PRKG1: variants seen among roughly 807,000 people sequenced by gnomAD.
PRKG1 encodes protein kinase cGMP-dependent 1, also known as cGMP-dependent protein kinase 1.
PRKG1 carries 35 observed loss-of-function variants against 88.1 expected under a neutral mutation model. That is an observed-to-expected ratio of 0.40 (90% confidence interval 0.30 to 0.53). The LOEUF is 0.53. Among genes scored for constraint, PRKG1 ranks in the 20% least tolerant of loss-of-function variants. PRKG1 has a pLI of 0.59. For synonymous variants in PRKG1, 303 were observed against 292.5 expected (o/e 1.04, Z -0.37); for missense variants, 540 against 839.8 (o/e 0.64, Z 4.41).
intron 1 of PRKG1, among the ~76,000 whole-genome samples, chr10:51,090,121 T>C (rs939279443): frequency 6.6e-6 from 1 of 152,192 alleles, no homozygotes; most frequent in Non-Finnish European, 1.5e-5. Context: ...GATTATAACA[T>C]TTCCCTGATT....
intron 3 of PRKG1, among the ~76,000 whole-genome samples, chr10:51,765,077 T>A (rs935479302): frequency 3.3e-5 from 5 of 152,216 alleles, no homozygotes; most frequent in Non-Finnish European, 7.3e-5. Context: ...TCACATGGAC[T>A]AAGACAGTGC....
chr10:51,325,590 T>C (rs544213694), intron 2 of PRKG1, among the ~76,000 whole-genome samples: 12 of 152,352 alleles, frequency 7.9e-5, no homozygotes, highest in Admixed American at 5.9e-4. Flanking sequence ...TGTTGTTTCA[T>C]TTGCTATGCA....
At chr10:51,160,313 A>C (rs916143183) in intron 2 of PRKG1, among the ~76,000 whole-genome samples, 3 of 152,116 alleles carry the variant, frequency 2.0e-5, no homozygotes, top group Non-Finnish European at 4.4e-5. Context: ...AACCCAATTT[A>C]TTGATACTTT....
intron 3 of PRKG1, among the ~76,000 whole-genome samples, chr10:51,517,876 G>A (rs1841630210): frequency 6.6e-6 from 1 of 152,038 alleles, no homozygotes; most frequent in South Asian, 2.1e-4. Context: ...CTCAGGCCTG[G>A]GTTTCCATTT....
chr10:51,421,360 G>A (rs995313598), intron 2 of PRKG1, among the ~76,000 whole-genome samples: 4 of 152,138 alleles, frequency 2.6e-5, no homozygotes, highest in African/African-American at 9.6e-5. Flanking sequence ...ATTGTTTTTT[G>A]TAGAGATGTT....
chr10:51,520,127 T>C (rs1196905232), intron 3 of PRKG1, among the ~76,000 whole-genome samples: 1 of 151,970 alleles, frequency 6.6e-6, no homozygotes, highest in Non-Finnish European at 1.5e-5. Flanking sequence ...CCTAAAGAAC[T>C]CCAATATCTT....
chr10:52,057,222 T>C (rs534838347), intron 6 of PRKG1, among the ~76,000 whole-genome samples: 1 of 152,294 alleles, frequency 6.6e-6, no homozygotes, highest in Non-Finnish European at 1.5e-5. Context: ...TGTAAAACAA[T>C]TTTTATTCTT....
intron 3 of PRKG1, among the ~76,000 whole-genome samples, chr10:51,553,861 A>T (rs1256946745): frequency 2.0e-4 from 20 of 102,092 alleles, no homozygotes; most frequent in South Asian, 1.5e-3. Context: ...ACGTGTATAT[A>T]ATATATGTAT....
chr10:51,883,835 C>T lies in PRKG1; in HGVS notation c.699-23672C>T, dbSNP rs191768543. ...TGTGTGTGGCTGCCTCCACCTTTAT[C>T]GTCTTCCTATTATTATCCCATGTGT... On this transcript the variant is annotated intron_variant, in intron 4 of 17. Transcript: ENST00000373980. Among the ~76,000 whole-genome samples the T allele has an allele frequency of 3.2e-3, 491 of 152,120 alleles. 3 individuals carry two copies. The highest frequency in any genetic ancestry group is 3.7e-3 in the Non-Finnish European group (252 of 67,994).
intron 2 of PRKG1, among the ~76,000 whole-genome samples, chr10:51,259,877 T>C (rs1008030149): frequency 1.3e-5 from 2 of 152,216 alleles, no homozygotes; most frequent in Non-Finnish European, 2.9e-5. Context: ...AAACATGTTA[T>C]AGGTTTTAGG....
intron 2 of PRKG1, among the ~76,000 whole-genome samples, chr10:51,418,193 A>G (rs1279760072): frequency 6.6e-6 from 1 of 152,188 alleles, no homozygotes; most frequent in Admixed American, 6.6e-5. Flanking sequence ...TCTCATAAGA[A>G]TTTCAGAGCT....
chr10:51,419,239 G>A (rs1196552906), intron 2 of PRKG1, among the ~76,000 whole-genome samples: 2 of 152,056 alleles, frequency 1.3e-5, no homozygotes, highest in Non-Finnish European at 2.9e-5. Context: ...AATAGTCACA[G>A]GTATACAGCA....
At chr10:51,442,073 G>GA (rs201767879) in intron 2 of PRKG1, among the ~76,000 whole-genome samples, 188 of 146,202 alleles carry the variant, frequency 1.3e-3, no homozygotes, top group East Asian at 8.0e-3. Flanking sequence ...TTTTTACCAG[G>GA]AAAAAAAAAA....
At chr10:51,566,775 A>G (rs1400700109) in intron 3 of PRKG1, among the ~76,000 whole-genome samples, 1 of 152,040 alleles carries the variant, frequency 6.6e-6, no homozygotes, top group African/African-American at 2.4e-5. Context: ...GTAAACAAAG[A>G]TATGGAAATG....
chr10:51,596,448 A>G (rs1838451170), intron 3 of PRKG1, among the ~76,000 whole-genome samples: 1 of 152,218 alleles, frequency 6.6e-6, no homozygotes, highest in East Asian at 1.9e-4. Context: ...AGAAAATTCC[A>G]GAGTCATAAT....
intron 3 of PRKG1, among the ~76,000 whole-genome samples, chr10:51,558,832 G>T (rs7896516): frequency 0.069 from 10,479 of 152,076 alleles, 1,173 homozygotes; most frequent in African/African-American, 0.24. Flanking sequence ...CTTCAGCATG[G>T]TATTTTAGAC....
intron 3 of PRKG1, among the ~76,000 whole-genome samples, chr10:51,669,757 A>T (rs1405287773): frequency 2.6e-5 from 4 of 152,068 alleles, no homozygotes; most frequent in African/African-American, 7.2e-5. Context: ...TACCTTTTTT[A>T]AAAAAATAAT....
At chr10:51,694,023 T>C (rs1316634817) in intron 3 of PRKG1, among the ~76,000 whole-genome samples, 2 of 152,180 alleles carry the variant, frequency 1.3e-5, no homozygotes, top group East Asian at 1.9e-4. Flanking sequence ...ACTTACAATA[T>C]ATTAATGATG....
intron 4 of PRKG1, among the ~76,000 whole-genome samples, chr10:51,885,318 A>T (rs553699903): frequency 3.3e-5 from 5 of 152,192 alleles, no homozygotes; most frequent in African/African-American, 9.7e-5. Flanking sequence ...GGGGATTGTG[A>T]CTTGCCCACT....
Sources: gnomAD v4.1 joint callset for allele counts (sites outside exome capture counted in the v4.1 genomes callset) on GRCh38, gnomAD v4.1.1 for gene constraint, MANE v1.5 for transcripts, NCBI Gene and HGNC (gene_info 2026-07-23, HGNC 2026-07-21) for gene names.